The following ROBO1 variants were observed in gnomAD, a reference collection of about 807,000 sequenced individuals.
The protein encoded by ROBO1 is roundabout guidance receptor 1.
A neutral mutation model predicts 195.9 loss-of-function variants in ROBO1; 149 were observed. The ratio of observed to expected loss-of-function variants is 0.76; its 90% CI spans 0.67 to 0.87. ROBO1 has a LOEUF of 0.87. ROBO1 is among the 40% of genes least tolerant of loss of function. ROBO1 has a pLI of 0.00. For synonymous variants in ROBO1, 816 were observed against 733.2 expected, an observed-to-expected ratio of 1.11 and a Z score of -1.82; for missense variants, 1,933 against 2,068.3, an observed-to-expected ratio of 0.93 and a Z score of 1.27.
At chr3:79,048,058 G>C (rs981969767) in intron 3 of ROBO1, among the ~76,000 whole-genome samples, 1 of 152,058 alleles carries the variant, frequency 6.6e-6, no homozygotes, top group South Asian at 2.1e-4. Context: ...TCACTTCTTG[G>C]TGTAACTGAA....
chr3:78,645,397 T>C (rs1575832423), intron 21 of ROBO1, among the ~76,000 whole-genome samples: 1 of 151,546 alleles, frequency 6.6e-6, no homozygotes, highest in East Asian at 1.9e-4. Flanking sequence ...TAAGATGGTT[T>C]TGGTTGGAAG....
intron 4 of ROBO1, among the ~76,000 whole-genome samples, chr3:78,929,308 C>T (rs2039381101): frequency 6.6e-6 from 1 of 151,996 alleles, no homozygotes; most frequent in South Asian, 2.1e-4. Context: ...TGCACCTTTC[C>T]ATTTTATTCA....
At chr3:79,670,282 G>A (rs1403320041) in intron 1 of ROBO1, among the ~76,000 whole-genome samples, 2 of 151,798 alleles carry the variant, frequency 1.3e-5, no homozygotes, top group African/African-American at 4.8e-5. Context: ...TGTGCATTTT[G>A]TACTTCCAGT....
At chr3:79,094,249 G>C (rs541562381) in intron 3 of ROBO1, among the ~76,000 whole-genome samples, 21 of 152,156 alleles carry the variant, frequency 1.4e-4, no homozygotes, top group African/African-American at 4.3e-4. Flanking sequence ...ATTTTAAGAA[G>C]CATAGAGTAA....
intron 4 of ROBO1, among the ~76,000 whole-genome samples, chr3:78,845,377 T>C (rs1189799236): frequency 2.6e-5 from 4 of 152,064 alleles, no homozygotes; most frequent in East Asian, 1.9e-4. Context: ...TTTAAAGTGA[T>C]TGTACCTTTT....
At chr3:79,477,573 A>G (rs929357163) in intron 2 of ROBO1, among the ~76,000 whole-genome samples, 1 of 152,194 alleles carries the variant, frequency 6.6e-6, no homozygotes, top group Non-Finnish European at 1.5e-5. Flanking sequence ...AACAAAAACA[A>G]CAAGTGGGAA....
intron 3 of ROBO1, among the ~76,000 whole-genome samples, chr3:79,007,361 A>C (rs1191833837): frequency 1.3e-5 from 2 of 152,328 alleles, no homozygotes; most frequent in East Asian, 3.9e-4. Flanking sequence ...GAAAGTAATG[A>C]GGAAAGAATA....
At chr3:78,879,419 T>A (rs556769532) in intron 4 of ROBO1, among the ~76,000 whole-genome samples, 1 of 152,140 alleles carries the variant, frequency 6.6e-6, no homozygotes. Context: ...ATATTTCCAC[T>A]CATGGCTTGA....
chr3:79,336,435 A>G (rs1246303133), intron 2 of ROBO1, among the ~76,000 whole-genome samples: 1 of 152,202 alleles, frequency 6.6e-6, no homozygotes, highest in Admixed American at 6.5e-5. Flanking sequence ...TGCTCAGGCA[A>G]TTGCTTCAGA....
intron 2 of ROBO1, among the ~76,000 whole-genome samples, chr3:79,344,191 G>T (rs1191286902): frequency 6.6e-6 from 1 of 152,114 alleles, no homozygotes; most frequent in Non-Finnish European, 1.5e-5. Flanking sequence ...ATTACTTCAG[G>T]TGAAGATGGA....
At chr3:78,924,115 T>C (rs945533831) in intron 4 of ROBO1, among the ~76,000 whole-genome samples, 13 of 152,060 alleles carry the variant, frequency 8.5e-5, no homozygotes, top group Admixed American at 4.6e-4. Flanking sequence ...TAAAACATGA[T>C]GTATAGCTAT....
At chr3:79,553,510 G>C (rs1427247731) in intron 2 of ROBO1, among the ~76,000 whole-genome samples, 3 of 151,942 alleles carry the variant, frequency 2.0e-5, no homozygotes, top group Non-Finnish European at 4.4e-5. Flanking sequence ...TCAACTTCCA[G>C]GAATATGGAA....
chr3:79,486,906 A>C (rs2107422434), intron 2 of ROBO1, among the ~76,000 whole-genome samples: 1 of 152,324 alleles, frequency 6.6e-6, no homozygotes, highest in African/African-American at 2.4e-5. Context: ...TTGATCAGCA[A>C]AGACAACTTT....
chr3:78,890,594 G>A (rs1227097214), intron 4 of ROBO1, among the ~76,000 whole-genome samples: 13 of 152,068 alleles, frequency 8.5e-5, no homozygotes, highest in Non-Finnish European at 1.6e-4. Context: ...CTGGGAAATA[G>A]CAAAAGGATA....
intron 4 of ROBO1, among the ~76,000 whole-genome samples, chr3:78,880,911 G>C (rs980850201): frequency 6.6e-6 from 1 of 152,132 alleles, no homozygotes; most frequent in Admixed American, 6.6e-5. Flanking sequence ...GATCCAAAGA[G>C]AAAAGAAGCC....
At chr3:79,454,145 T>TC (rs1365751937) in intron 2 of ROBO1, among the ~76,000 whole-genome samples, 2 of 150,684 alleles carry the variant, frequency 1.3e-5, no homozygotes, top group East Asian at 3.9e-4. Context: ...TTTTTTTTTT[T>TC]CTCCAAAACA....
chr3:79,496,791 A>G (rs1472035377), intron 2 of ROBO1, among the ~76,000 whole-genome samples: 1 of 152,220 alleles, frequency 6.6e-6, no homozygotes, highest in Non-Finnish European at 1.5e-5. Context: ...ATAGGTGACA[A>G]TTATGTCCAT....
At chr3:78,667,063 T>G (rs972685879) in intron 14 of ROBO1, among the ~76,000 whole-genome samples, 28 of 152,264 alleles carry the variant, frequency 1.8e-4, no homozygotes, top group African/African-American at 6.7e-4. Context: ...TATCCAGATA[T>G]CTCTCATATT....
chr3:78,599,199 GTTA>G (rs1703022748), intron 30 of ROBO1, among the ~76,000 whole-genome samples: 1 of 151,940 alleles, frequency 6.6e-6, no homozygotes, highest in Non-Finnish European at 1.5e-5. Context: ...AATGTGTTGA[GTTA>G]TCTAATCCCC....
Sources: allele counts gnomAD v4.1 joint callset (sites outside exome capture counted in the v4.1 genomes callset), GRCh38; gene constraint gnomAD v4.1.1; transcripts MANE v1.5; gene names NCBI Gene and HGNC (gene_info 2026-07-23, HGNC 2026-07-21).